RBFOX1: variants seen among roughly 807,000 people sequenced by gnomAD.
RBFOX1 encodes RNA binding fox-1 homolog 1.
RBFOX1 carries 8 observed loss-of-function variants against 57.7 expected under a neutral mutation model. The ratio of observed to expected loss-of-function variants is 0.14; its 90% CI spans 0.08 to 0.25. The LOEUF is 0.25. Ranked by LOEUF, RBFOX1 falls within the 10% of genes least tolerant of loss-of-function variation. The pLI is 1.00. For synonymous variants in RBFOX1, 326 were observed against 222.4 expected, an observed-to-expected ratio of 1.47 and a Z score of -4.15; for missense variants, 611 against 548.5, an observed-to-expected ratio of 1.11 and a Z score of -1.14.
At chr16:6,000,500 G>A (rs2060578433) in intron 4 of RBFOX1, among the ~76,000 whole-genome samples, 1 of 152,150 alleles carries the variant, frequency 6.6e-6, no homozygotes, top group African/African-American at 2.4e-5. Flanking sequence ...TGCCTGTCTT[G>A]TGTCTGCCAC....
chr16:7,124,357 T>C (rs1288511623), intron 4 of RBFOX1, among the ~76,000 whole-genome samples: 3 of 152,138 alleles, frequency 2.0e-5, no homozygotes, highest in African/African-American at 4.8e-5. Context: ...GAGGCTGCAG[T>C]AAGCCAAGAT....
chr16:6,641,761 AAAAAAAAAAAAAAAAAAT>A (rs1365537043), intron 2 of RBFOX1, among the ~76,000 whole-genome samples: 930 of 24,598 alleles, frequency 0.038, 29 homozygotes, highest in African/African-American at 0.092. Context: ...AAAAAAAAAA[AAAAAAAAAAAAAAAAAAT>A]AGGTTCTGCC....
At chr16:7,036,618 G>GT (rs2044510110) in intron 3 of RBFOX1, among the ~76,000 whole-genome samples, 2 of 151,944 alleles carry the variant, frequency 1.3e-5, no homozygotes, top group Non-Finnish European at 2.9e-5. Context: ...GCTTGAAACC[G>GT]TAAGGCGGAG....
rs147936659 is a variant in RBFOX1, at chr16:5,651,812, A to G, written c.318+52851A>G. Among the ~76,000 whole-genome samples, 1,405 of 152,318 alleles carry G rather than the reference A, an allele frequency of 9.2e-3. 16 individuals are homozygous for G. Among genetic ancestry groups the G allele is most frequent in the Non-Finnish European group, 0.011 (739 of 68,028 alleles). On this transcript the variant is annotated intron_variant, in intron 3 of 19. Coordinates refer to the RBFOX1 transcript ENST00000641259. ...TGTCCAATCATAAGCATCCATTTGC[A>G]TATCGGTAACAAAGTAAACTAATAA...
At chr16:6,061,860 C>G (rs149876653) in intron 1 of RBFOX1, among the ~76,000 whole-genome samples, 12 of 152,250 alleles carry the variant, frequency 7.9e-5, no homozygotes, top group African/African-American at 2.4e-4. Flanking sequence ...CTGACATTAT[C>G]TACCTGGAGA....
At chr16:5,920,949 T>G (rs970451911) in intron 4 of RBFOX1, among the ~76,000 whole-genome samples, 1 of 95,118 alleles carries the variant, frequency 1.1e-5, no homozygotes. Context: ...CGTGCAAGGC[T>G]ACCTGAAGAA....
At chr16:5,272,837 C>G (rs950951522) in intron 1 of RBFOX1, among the ~76,000 whole-genome samples, 4 of 152,194 alleles carry the variant, frequency 2.6e-5, no homozygotes, top group African/African-American at 9.7e-5. Context: ...TCACTCTTCT[C>G]TGCAACGAAT....
At chr16:6,779,717 A>G in intron 3 of RBFOX1, among the ~76,000 whole-genome samples, 1 of 109,610 alleles carries the variant, frequency 9.1e-6, no homozygotes, top group Non-Finnish European at 1.7e-5. Flanking sequence ...ATATTTATAT[A>G]TATATTTATA....
intron 1 of RBFOX1, among the ~76,000 whole-genome samples, chr16:6,246,867 G>C (rs892286910): frequency 2.6e-5 from 4 of 152,120 alleles, no homozygotes; most frequent in African/African-American, 7.2e-5. Context: ...TCAGGAGTTT[G>C]AGACCAGCCT....
chr16:5,733,991 G>A (rs1205498991), intron 3 of RBFOX1, among the ~76,000 whole-genome samples: 1 of 152,044 alleles, frequency 6.6e-6, no homozygotes, highest in Non-Finnish European at 1.5e-5. Flanking sequence ...CTGGGCACGT[G>A]TTACCTATTA....
chr16:5,316,538 T>C (rs1259646030), intron 1 of RBFOX1, among the ~76,000 whole-genome samples: 1 of 152,222 alleles, frequency 6.6e-6, no homozygotes. Context: ...CTCTGCCATG[T>C]ACCAATAACT....
chr16:6,193,425 T>TAA (rs59142664), intron 1 of RBFOX1, among the ~76,000 whole-genome samples: 32 of 106,488 alleles, frequency 3.0e-4, no homozygotes, highest in African/African-American at 9.2e-4. Context: ...TATATATATA[T>TAA]AAAATTCAGT....
chr16:6,262,197 A>G (rs1322499292), intron 1 of RBFOX1, among the ~76,000 whole-genome samples: 1 of 152,090 alleles, frequency 6.6e-6, no homozygotes, highest in African/African-American at 2.4e-5. Flanking sequence ...CAGTGGCTTG[A>G]TTTCGGCCAT....
At chr16:5,810,096 A>T (rs1016568855) in intron 3 of RBFOX1, among the ~76,000 whole-genome samples, 1 of 151,098 alleles carries the variant, frequency 6.6e-6, no homozygotes, top group Non-Finnish European at 1.5e-5. Flanking sequence ...AACACCATAT[A>T]TTCTCACTCA....
chr16:7,272,979 G>A (rs1277199585), intron 4 of RBFOX1, among the ~76,000 whole-genome samples: 2 of 83,506 alleles, frequency 2.4e-5, no homozygotes, highest in South Asian at 4.7e-4. Context: ...CTTTCCTTCC[G>A]TCCCTCCCTC....
chr16:5,597,395 CT>C (rs35058375), intron 2 of RBFOX1, among the ~76,000 whole-genome samples: 3,719 of 114,278 alleles, frequency 0.033, 62 homozygotes, highest in Non-Finnish European at 0.045. Context: ...AGCTTGCTGA[CT>C]TTTTTTTTTT....
At chr16:6,882,138 G>C (rs1441704655) in intron 3 of RBFOX1, among the ~76,000 whole-genome samples, 1 of 152,138 alleles carries the variant, frequency 6.6e-6, no homozygotes, top group East Asian at 1.9e-4. Flanking sequence ...CAAGGCTGCT[G>C]ATGGTCTTAG....
intron 5 of RBFOX1, among the ~76,000 whole-genome samples, chr16:7,564,179 A>C (rs2091128893): frequency 6.6e-6 from 1 of 152,106 alleles, no homozygotes; most frequent in African/African-American, 2.4e-5. Flanking sequence ...GAGCCCGATG[A>C]GACAGTATCC....
chr16:6,832,450 C>G (rs1380176671), intron 3 of RBFOX1, among the ~76,000 whole-genome samples: 1 of 152,084 alleles, frequency 6.6e-6, no homozygotes, highest in African/African-American at 2.4e-5. Context: ...GAAAATGGTG[C>G]CAAAACCCAG....
Sources: allele counts gnomAD v4.1 joint callset (sites outside exome capture counted in the v4.1 genomes callset), GRCh38; gene constraint gnomAD v4.1.1; transcripts MANE v1.5; gene names NCBI Gene and HGNC (gene_info 2026-07-23, HGNC 2026-07-21).